Variants in ANAPC7 observed in about 807,000 individuals in gnomAD.
ANAPC7 encodes anaphase-promoting complex subunit 7.
ANAPC7 carries 25 observed loss-of-function variants against 63.3 expected under a neutral mutation model. The ratio of observed to expected loss-of-function variants is 0.39; its 90% CI spans 0.29 to 0.55. The LOEUF is 0.55. Ranked by LOEUF, ANAPC7 falls within the 20% of genes least tolerant of loss-of-function variation. The pLI is 0.57. For missense variants in ANAPC7, 516 were observed against 691.7 expected (o/e 0.75, Z 2.85); for synonymous variants, 241 against 251.7 (o/e 0.96, Z 0.40).
intron 8 of ANAPC7, 44 bp downstream of exon 8, chr12:110,381,708 C>T (rs138556976): frequency 7.6e-6 from 12 of 1,586,430 alleles, no homozygotes; most frequent in Non-Finnish European, 9.5e-6. Flanking sequence ...GGGCTGCTGC[C>T]ACACCCACGG....
chr12:110,392,441 T>C (rs1883180145), intron 3 of ANAPC7, among the ~76,000 whole-genome samples: 1 of 152,170 alleles, frequency 6.6e-6, no homozygotes, highest in African/African-American at 2.4e-5. Context: ...CAGCACTAAC[T>C]AAAATACACC....
At chr12:110,375,170 T>A (rs1459676321) in intron 10 of ANAPC7, among the ~76,000 whole-genome samples, 3 of 152,194 alleles carry the variant, frequency 2.0e-5, no homozygotes, top group Admixed American at 1.3e-4. Flanking sequence ...CGTCTCCTGG[T>A]TGAAGCCTTC....
intron 3 of ANAPC7, among the ~76,000 whole-genome samples, chr12:110,388,887 C>T (rs1398543102): frequency 2.0e-5 from 3 of 151,624 alleles, no homozygotes; most frequent in African/African-American, 7.3e-5. Flanking sequence ...GAGACCATCC[C>T]GGCTAACACA....
chr12:110,402,743 T>C (rs2062250105), intron 1 of ANAPC7, among the ~76,000 whole-genome samples: 1 of 152,128 alleles, frequency 6.6e-6, no homozygotes, highest in Middle Eastern at 3.4e-3. Context: ...AGTCTCCCGT[T>C]TCCTTTTTTT....
chr12:110,378,960 G>GTCTCCTGAACCATGTT (rs1159472697), intron 8 of ANAPC7: 1 of 151,522 alleles, frequency 6.6e-6, no homozygotes, highest in Admixed American at 6.6e-5. Context: ...CTGGGTTCAA[G>GTCTCCTGAACCATGTT]CAATTCTCCT....
At chr12:110,381,642 C>G in intron 8 of ANAPC7, 110 bp downstream of exon 8, 1 of 1,154,820 alleles carries the variant, frequency 8.7e-7, no homozygotes, top group Admixed American at 2.4e-5. Context: ...GCCAGCTTCC[C>G]CAGATTATTC....
chr12:110,374,558 T>A (rs1175263634), intron 10 of ANAPC7, among the ~76,000 whole-genome samples: 1 of 151,768 alleles, frequency 6.6e-6, no homozygotes, highest in Non-Finnish European at 1.5e-5. Flanking sequence ...TCAATTTGAG[T>A]TTTTCTCCAC....
chr12:110,386,587 C>A, intron 5 of ANAPC7, 118 bp from the exon 6 acceptor site: 5 of 1,012,848 alleles, frequency 4.9e-6, no homozygotes, highest in South Asian at 1.8e-5. Flanking sequence ...TAAAATTCTT[C>A]GTAATAAAAA....
Position 110,387,827 on chromosome 12 carries a change from C to T in ANAPC7, c.586G>A (p.Val196Met), listed in dbSNP as rs759512682. 40 of 1,614,026 alleles carry T rather than the reference C, an allele frequency of 2.5e-5. No homozygotes were observed. Among genetic ancestry groups the T allele is most frequent in the African/African-American group, 6.7e-5 (5 of 74,914 alleles). ...ACAGAGAGCCAGTCCAAGTTAGGCA[C>T]GGTTTGGATCACATTCATTGTCATG... ...ASMTMNVIQT[V>M]PNLDWLSVWI... The change falls in exon 5 of 11, where the codon GTG becomes ATG. Residue 196 changes from valine to methionine, a missense_variant. Transcript: ENST00000455511.
intron 10 of ANAPC7, among the ~76,000 whole-genome samples, chr12:110,374,865 C>T (rs1881113676): frequency 6.6e-6 from 1 of 152,156 alleles, no homozygotes; most frequent in South Asian, 2.1e-4. Flanking sequence ...GGACCCAAGG[C>T]TACCCCTACC....
intron 8 of ANAPC7, among the ~76,000 whole-genome samples, chr12:110,379,330 G>C: frequency 6.6e-6 from 1 of 152,196 alleles, no homozygotes; most frequent in East Asian, 1.9e-4. Context: ...GCTCCAACTG[G>C]AAACTGTAAG....
chr12:110,387,445 C>CAA (rs372266566), intron 5 of ANAPC7: 3 of 65,944 alleles, frequency 4.5e-5, no homozygotes, highest in Non-Finnish European at 8.3e-5. Flanking sequence ...GACCTTGTCT[C>CAA]AAAAAAAAAA....
At chr12:110,386,563 C>T in intron 5 of ANAPC7, 94 bp from the exon 6 acceptor site, 2 of 1,154,476 alleles carry the variant, frequency 1.7e-6, no homozygotes, top group Non-Finnish European at 2.4e-6. Context: ...ATACTATTTT[C>T]TTTTGCATAA....
chr12:110,373,858 T>C lies in ANAPC7; in HGVS notation c.*286A>G, dbSNP rs777229395. Reference sequence around the variant, plus strand: ...CTTTTGGATTTAGAAATTAGTTATATAAAAAGTACTCTTGGCCCAGAAGCC... The same window carrying C: ...CTTTTGGATTTAGAAATTAGTTATACAAAAAGTACTCTTGGCCCAGAAGCC... On this transcript the variant is annotated 3_prime_UTR_variant, in exon 11 of 11. Coordinates refer to ENST00000455511, the MANE Select transcript of ANAPC7 (RefSeq NM_016238.3). 6.6e-4 allele frequency: 218 copies of C among 330,390 alleles called. 1 individual carries two copies. Among genetic ancestry groups the C allele is most frequent in the Non-Finnish European group, 5.4e-4 (100 of 183,594 alleles). 20.5% of individuals were successfully genotyped at this position (330,390 alleles called of 1,614,324 possible).
At chr12:110,392,788 TTTTG>T (rs1219527595) in intron 3 of ANAPC7, among the ~76,000 whole-genome samples, 3 of 152,076 alleles carry the variant, frequency 2.0e-5, no homozygotes, top group Non-Finnish European at 2.9e-5. Flanking sequence ...CCAGATCTTT[TTTTG>T]TTTGTTTTTT....
chr12:110,402,021 C>T (rs1246549705), intron 1 of ANAPC7, among the ~76,000 whole-genome samples: 6 of 116,148 alleles, frequency 5.2e-5, no homozygotes, highest in African/African-American at 1.9e-4. Flanking sequence ...ACTAAAATAA[C>T]AAAAATTAGC....
intron 5 of ANAPC7, chr12:110,387,367 C>CAGAGAGAGAG (rs1566269318): frequency 6.9e-5 from 1 of 14,546 alleles, no homozygotes; most frequent in Admixed American, 8.8e-4. Flanking sequence ...GAGAGAGAGA[C>CAGAGAGAGAG]AGAGAGAGAG....
rs746278576 is a variant in ANAPC7 at position 110,381,964 on chromosome 12, A to T, written c.936-16T>A. The T allele has an allele frequency of 2.4e-5, 37 of 1,517,628 alleles. No individual in the cohort carries two copies. Among genetic ancestry groups the T allele is most frequent in the Non-Finnish European group, 3.1e-5 (35 of 1,142,232 alleles). 94.0% of individuals were successfully genotyped at this position (1,517,628 alleles called of 1,614,324 possible). ...GCTGTGACAGCTGGAGAAAAAAAAA[A>T]AAAAAAAAACACAAAAACCCCAGAA... On this transcript the variant is annotated splice_polypyrimidine_tract_variant and intron_variant, in intron 7 of 10. Transcript: ENST00000455511.
At chr12:110,382,441 TAAAAA>T (rs137996217) in intron 7 of ANAPC7, among the ~76,000 whole-genome samples, 940 of 52,912 alleles carry the variant, frequency 0.018, 44 homozygotes, top group African/African-American at 0.045. Flanking sequence ...ATTATCCTTT[TAAAAA>T]AAAAAAAAAA....
Sources: gnomAD v4.1 joint callset for allele counts (sites outside exome capture counted in the v4.1 genomes callset) on GRCh38, gnomAD v4.1.1 for gene constraint, MANE v1.5 for transcripts, NCBI Gene and HGNC (gene_info 2026-07-23, HGNC 2026-07-21) for gene names.